Variants in PGAP1 observed in about 807,000 individuals in gnomAD.
The protein encoded by PGAP1 is GPI inositol-deacylase.
Under a neutral mutation model 127.0 loss-of-function variants are expected in PGAP1, and 76 were observed. That is an observed-to-expected ratio of 0.60 (90% CI 0.50 to 0.72). The LOEUF is 0.72. Among genes scored for constraint, PGAP1 ranks in the 30% least tolerant of loss-of-function variants. PGAP1 has a pLI of 0.00. For missense variants in PGAP1, 982 were observed against 1,071.3 expected (o/e 0.92, Z 1.16); for synonymous variants, 362 against 366.5 (o/e 0.99, Z 0.14).
intron 10 of PGAP1, among the ~76,000 whole-genome samples, chr2:196,890,101 T>C (rs1702051550): frequency 6.6e-6 from 1 of 151,384 alleles, no homozygotes; most frequent in Non-Finnish European, 1.5e-5. Context: ...CCCAGCTAAG[T>C]TTTTTGTATT....
Position 196,846,120 on chromosome 2 carries a change from T to C in PGAP1, c.2151-103A>G, listed in dbSNP as rs111737311. ...GTACCCTCCCAGTCTCTCTTGCTTA[T>C]ATGCAAATACATAAGGTAAACAACA... On this transcript the variant is annotated intron_variant, in intron 22 of 26. Coordinates refer to ENST00000354764, the MANE Select transcript of PGAP1 (RefSeq NM_024989.4). 619 of 601,420 alleles carry C rather than the reference T, an allele frequency of 1.0e-3. 1 individual carries two copies. Among genetic ancestry groups the C allele is most frequent in the African/African-American group, 8.5e-3 (446 of 52,558 alleles). 37.3% of individuals were successfully genotyped at this position (601,420 alleles called of 1,614,324 possible).
Position 196,916,477 on chromosome 2 carries a change from G to A in PGAP1, c.418C>T (p.Leu140Phe). The A allele has an allele frequency of 6.2e-7, 1 of 1,613,538 alleles. No individual in the cohort carries two copies. Among genetic ancestry groups the A allele is most frequent in the Non-Finnish European group, 8.5e-7 (1 of 1,179,776 alleles). ...EELVALYGGS[L>F]QKQTKFVHEC... ...TGTACAAACTTGGTCTGCTTCTGAA[G>A]ACTTCCACCATACAAAGCCACCAGT... The change falls in exon 3 of 27, where the codon CTT (leucine) becomes TTT (phenylalanine). Residue 140 changes from leucine (L) to phenylalanine (F), a missense_variant. Leu to Phe is a conservative substitution (Grantham distance 22, BLOSUM62 0). Transcript: ENST00000354764.
chr2:196,882,478 A>G lies in PGAP1; in HGVS notation c.1273-2325T>C, dbSNP rs976836419. Among the ~76,000 whole-genome samples the G allele has an allele frequency of 3.3e-5, 5 of 152,206 alleles. No individual in the cohort carries two copies. In the East Asian group the frequency reaches 9.6e-4, roughly 29 times the overall value. On this transcript the variant is annotated intron_variant, in intron 12 of 26. Transcript: ENST00000354764. ...TTAATGCTATTGATTCTTCCTATCC[A>G]TGGTCATGGAATGTTTATCCATTTG...
At chr2:196,893,301 T>C in intron 7 of PGAP1, 56 bp from the exon 8 acceptor site, 1 of 951,896 alleles carries the variant, frequency 1.1e-6, no homozygotes, top group South Asian at 1.5e-5. Flanking sequence ...AATAGCTTGA[T>C]GAAACATTGC....
intron 20 of PGAP1, among the ~76,000 whole-genome samples, chr2:196,856,739 T>G (rs1700895524): frequency 6.6e-6 from 1 of 152,246 alleles, no homozygotes; most frequent in Admixed American, 6.5e-5. Flanking sequence ...CAAGACTTCA[T>G]ATCATGAGAC....
intron 10 of PGAP1, among the ~76,000 whole-genome samples, chr2:196,886,979 A>G (rs1701931922): frequency 2.0e-5 from 3 of 152,228 alleles, no homozygotes; most frequent in South Asian, 2.1e-4. Context: ...AATAACTTCT[A>G]TACAACCAAG....
At chr2:196,900,926 CAAAAAAAAAG>C (rs11278082) in intron 5 of PGAP1, among the ~76,000 whole-genome samples, 3,365 of 142,348 alleles carry the variant, frequency 0.024, 43 homozygotes, top group Non-Finnish European at 0.035. Context: ...GACTCCGTCT[CAAAAAAAAAG>C]AAAAAAAAAG....
chr2:196,872,680 G>T, intron 17 of PGAP1, 131 bp from the exon 18 acceptor site: 1 of 653,772 alleles, frequency 1.5e-6, no homozygotes, highest in Non-Finnish European at 2.7e-6. Context: ...AATTGTGGAT[G>T]GGCACTTTTT....
chr2:196,864,793 C>G (rs892006175), intron 20 of PGAP1, among the ~76,000 whole-genome samples, 194 bp downstream of exon 20: 2 of 151,934 alleles, frequency 1.3e-5, no homozygotes, highest in African/African-American at 4.8e-5. Flanking sequence ...TTTTCAAGAA[C>G]AGAATAGTAG....
At chr2:196,844,456 A>G (rs1403979209) in intron 24 of PGAP1, 68 bp downstream of exon 24, 7 of 1,182,930 alleles carry the variant, frequency 5.9e-6, no homozygotes, top group Non-Finnish European at 8.4e-6. Flanking sequence ...CCTTAAAAAA[A>G]AAAACTCTTA....
chr2:196,878,110 T>C (rs1438324186), intron 13 of PGAP1, among the ~76,000 whole-genome samples: 1 of 152,110 alleles, frequency 6.6e-6, no homozygotes, highest in Admixed American at 6.6e-5. Flanking sequence ...CCACTAATTC[T>C]ATCAAAATCA....
At chr2:196,902,805 C>G (rs1438876129) in intron 4 of PGAP1, 63 bp from the exon 5 acceptor site, 3 of 1,240,786 alleles carry the variant, frequency 2.4e-6, no homozygotes, top group Non-Finnish European at 3.4e-6. Context: ...AATAAGATAT[C>G]TATACAGTAA....
chr2:196,842,582 T>C, intron 26 of PGAP1, 139 bp downstream of exon 26: 1 of 382,840 alleles, frequency 2.6e-6, no homozygotes, highest in South Asian at 1.1e-4. Context: ...CAAGTATACT[T>C]GCATATAAAC....
chr2:196,915,671 C>T (rs1049983738), intron 3 of PGAP1, among the ~76,000 whole-genome samples: 8 of 152,222 alleles, frequency 5.3e-5, no homozygotes, highest in Non-Finnish European at 1.0e-4. Context: ...TTTCTCATCA[C>T]TTCAACTGCC....
At chr2:196,891,631 A>T (rs1409065510) in intron 9 of PGAP1, among the ~76,000 whole-genome samples, 1 of 152,100 alleles carries the variant, frequency 6.6e-6, no homozygotes, top group Admixed American at 6.5e-5. Flanking sequence ...AGATCCAAAG[A>T]TCCACACAAT....
chr2:196,899,534 A>G (rs1702405735), intron 5 of PGAP1, among the ~76,000 whole-genome samples: 1 of 152,246 alleles, frequency 6.6e-6, no homozygotes, highest in Non-Finnish European at 1.5e-5. Context: ...AGTAGACAGC[A>G]TTTACCATTA....
intron 20 of PGAP1, among the ~76,000 whole-genome samples, chr2:196,851,928 T>C (rs746124872): frequency 6.6e-6 from 1 of 152,212 alleles, no homozygotes; most frequent in Non-Finnish European, 1.5e-5. Flanking sequence ...GTTAGACATG[T>C]CTTTTCTAGG....
intron 20 of PGAP1, among the ~76,000 whole-genome samples, chr2:196,855,325 C>CAAAAAAAAAAAAAAAAAAAAAA (rs112534782): frequency 1.5e-5 from 1 of 67,150 alleles, no homozygotes; most frequent in Non-Finnish European, 3.0e-5. Flanking sequence ...ACTCTGTCAC[C>CAAAAAAAAAAAAAAAAAAAAAA]AAAAAAAAAA....
Position 196,902,578 on chromosome 2 carries a change from A to G in PGAP1, c.807+7T>C, listed in dbSNP as rs1466414896. 6.3e-7 allele frequency: 1 copy of G among 1,591,822 alleles called. No homozygotes were observed. Among genetic ancestry groups the G allele is most frequent in the Non-Finnish European group, 8.5e-7 (1 of 1,171,918 alleles). On this transcript the variant is annotated splice_region_variant and intron_variant, in intron 5 of 26. Transcript: ENST00000354764. ...ACTATTTCAATAGAATCTTAAAAAA[A>G]GATTACCACAACAGATAAGGCACTG... is the stretch of plus-strand genomic sequence containing the variant.
Sources: gnomAD v4.1 joint callset for allele counts (sites outside exome capture counted in the v4.1 genomes callset) on GRCh38, gnomAD v4.1.1 for gene constraint, MANE v1.5 for transcripts, NCBI Gene and HGNC (gene_info 2026-07-23, HGNC 2026-07-21) for gene names.